SLC22A25: variants seen among roughly 807,000 people sequenced by gnomAD.
The protein encoded by SLC22A25 is solute carrier family 22 member 25.
In SLC22A25, 44 loss-of-function variants were observed where a neutral mutation model predicts 45.9. The observed-to-expected ratio is 0.96, with a 90% CI of 0.75 to 1.23. SLC22A25 has a LOEUF of 1.23. Among genes scored for constraint, SLC22A25 ranks in the 50% most tolerant of loss-of-function variants. SLC22A25 has a pLI of 0.00. For synonymous variants in SLC22A25, 283 were observed against 238.6 expected (o/e 1.19, Z -1.72); for missense variants, 800 against 666.4 (o/e 1.20, Z -2.21).
At chr11:63,171,906 A>G (rs1565065089) in intron 9 of SLC22A25, among the ~76,000 whole-genome samples, 1 of 152,208 alleles carries the variant, frequency 6.6e-6, no homozygotes, top group Non-Finnish European at 1.5e-5. Flanking sequence ...CTTCAAATAT[A>G]CTACAAGGCT....
chr11:63,180,952 A>G lies in SLC22A25; in HGVS notation c.955-177T>C, dbSNP rs1850789733. On this transcript the variant is annotated intron_variant, in intron 8 of 11. Coordinates refer to ENST00000306494, the MANE Select transcript of SLC22A25 (RefSeq NM_199352.6). Reference sequence around the variant, plus strand: ...AAGTGGTATGGAAGTTAGAATAGAGAGTTAAAGAAGCCTCAGAGAAATTAT... The same window carrying G: ...AAGTGGTATGGAAGTTAGAATAGAGGGTTAAAGAAGCCTCAGAGAAATTAT... Among the ~76,000 whole-genome samples the G allele has an allele frequency of 2.0e-5, 3 of 152,206 alleles. No individual in the cohort carries two copies. In the South Asian group the frequency reaches 6.2e-4, roughly 31 times the overall value.
chr11:63,221,681 G>A (rs2089856374), intron 5 of SLC22A25, among the ~76,000 whole-genome samples: 2 of 152,066 alleles, frequency 1.3e-5, no homozygotes, highest in South Asian at 4.1e-4. Flanking sequence ...TGCTTGTTGT[G>A]TATTACTGAA....
intron 9 of SLC22A25, among the ~76,000 whole-genome samples, chr11:63,178,150 C>A (rs2088184414): frequency 3.3e-5 from 5 of 151,820 alleles, no homozygotes. Flanking sequence ...CTTGGCCTCC[C>A]AAAATTCTGG....
chr11:63,209,575 C>T (rs1013733541), intron 7 of SLC22A25, among the ~76,000 whole-genome samples: 2 of 152,126 alleles, frequency 1.3e-5, no homozygotes, highest in African/African-American at 4.8e-5. Context: ...CACCTCTGCT[C>T]AGGCGAACCA....
intron 1 of SLC22A25, among the ~76,000 whole-genome samples, chr11:63,240,136 A>G (rs763020950): frequency 2.6e-5 from 4 of 152,194 alleles, no homozygotes; most frequent in African/African-American, 7.2e-5. Context: ...CAATTATAAT[A>G]CATTGGTGCT....
intron 3 of SLC22A25, among the ~76,000 whole-genome samples, chr11:63,230,317 G>A (rs1002646353): frequency 5.3e-5 from 8 of 152,206 alleles, no homozygotes; most frequent in African/African-American, 1.9e-4. Flanking sequence ...AACCAGAGTA[G>A]TAAGCCAGTG....
rs750518640 is a variant in SLC22A25 at position 63,183,800 on chromosome 11, G to A, written c.848C>T (p.Ala283Val). ...FLFSRWLAES[A>V]RWLIINNKPE... is the part of the protein sequence containing the mutation. ...TTTGTTGTTGATAATGAGCCACCGA[G>A]CAGACTCTGCCAGCCACCTGAGCAA... The change falls in exon 8 of 12, where the codon GCT (alanine) becomes GTT (valine). Residue 283 changes from alanine to valine, a missense_variant. Coordinates refer to ENST00000306494, the MANE Select transcript of SLC22A25 (RefSeq NM_199352.6). 2 of 1,612,872 alleles carry A rather than the reference G, an allele frequency of 1.2e-6. No individual in the cohort carries two copies. Among genetic ancestry groups the A allele is most frequent in the African/African-American group, 2.7e-5 (2 of 74,840 alleles).
At chr11:63,193,296 C>T (rs111807624) in intron 7 of SLC22A25, among the ~76,000 whole-genome samples, 5,484 of 152,138 alleles carry the variant, frequency 0.036, 328 homozygotes, top group African/African-American at 0.13. Flanking sequence ...GGTCCTCCTA[C>T]CATGGAGTTT....
intron 5 of SLC22A25, among the ~76,000 whole-genome samples, chr11:63,225,776 T>C (rs192027842): frequency 3.9e-5 from 6 of 152,312 alleles, no homozygotes; most frequent in African/African-American, 1.4e-4. Flanking sequence ...ATTTAACCTT[T>C]TGAGATGATT....
chr11:63,222,929 A>T (rs906320628), intron 5 of SLC22A25, among the ~76,000 whole-genome samples: 1 of 152,020 alleles, frequency 6.6e-6, no homozygotes, highest in African/African-American at 2.4e-5. Flanking sequence ...TATCACATCA[A>T]TTGATTTTTG....
Position 63,205,219 on chromosome 11 carries a change from G to C in SLC22A25, c.830+12095C>G, listed in dbSNP as rs968965768. 6.6e-5 allele frequency among the ~76,000 whole-genome samples: 10 copies of C among 152,044 alleles called. 1 individual carries two copies. The South Asian group carries it at 2.1e-3, about 32-fold the overall frequency. On this transcript the variant is annotated intron_variant, in intron 7 of 11. Coordinates refer to ENST00000306494, the MANE Select transcript of SLC22A25 (RefSeq NM_199352.6). ...CCACAGAGGAAAGTGGGAAACATCT[G>C]TAATTACCATCCTAACATCACAATG...
At chr11:63,222,568 C>T (rs2134826648) in intron 5 of SLC22A25, among the ~76,000 whole-genome samples, 1 of 152,136 alleles carries the variant, frequency 6.6e-6, no homozygotes, top group Non-Finnish European at 1.5e-5. Context: ...AGTCTGCAAA[C>T]AAGGATAATT....
intron 7 of SLC22A25, among the ~76,000 whole-genome samples, chr11:63,195,206 G>T (rs1041765686): frequency 6.6e-6 from 1 of 152,072 alleles, no homozygotes; most frequent in Non-Finnish European, 1.5e-5. Flanking sequence ...GAGACAGAAT[G>T]TTAACAAGGA....
chr11:63,197,613 T>C (rs185620757), intron 7 of SLC22A25, among the ~76,000 whole-genome samples: 3 of 152,180 alleles, frequency 2.0e-5, no homozygotes, highest in Admixed American at 6.5e-5. Context: ...CCTAAAACCA[T>C]AAAAACCCTA....
rs2087567392 is a variant in SLC22A25 at position 63,163,300 on chromosome 11, T to A, written c.*524A>T. ...ATTACTTAAAAAATTCCTTTACTTATCACTTCTTTTCCCCTTTTCCAACGC... is the reference window on the plus strand; with the variant it reads ...ATTACTTAAAAAATTCCTTTACTTAACACTTCTTTTCCCCTTTTCCAACGC... On this transcript the variant is annotated 3_prime_UTR_variant, in exon 12 of 12. Transcript: ENST00000306494. 6.6e-6 allele frequency among the ~76,000 whole-genome samples: 1 copy of A among 152,218 alleles called. No individual in the cohort carries two copies. Among genetic ancestry groups the A allele is most frequent in the South Asian group, 2.1e-4 (1 of 4,832 alleles).
intron 8 of SLC22A25, 63 bp from the exon 9 acceptor site, chr11:63,180,838 G>T: frequency 1.7e-6 from 2 of 1,209,080 alleles, no homozygotes; most frequent in Non-Finnish European, 2.4e-6. Context: ...ATTGTAAGAG[G>T]ACTTGTCAAC....
chr11:63,228,932 G>A (rs897526543), intron 4 of SLC22A25, among the ~76,000 whole-genome samples: 1 of 152,126 alleles, frequency 6.6e-6, no homozygotes, highest in East Asian at 1.9e-4. Context: ...ATTTCCCAGA[G>A]GTTTATAATT....
At chr11:63,208,679 A>G (rs924163212) in intron 7 of SLC22A25, among the ~76,000 whole-genome samples, 2 of 152,028 alleles carry the variant, frequency 1.3e-5, no homozygotes, top group Non-Finnish European at 2.9e-5. Flanking sequence ...TGTGAAAGAG[A>G]CAGTGTTGGG....
intron 9 of SLC22A25, chr11:63,166,811 A>T: frequency 1.0e-6 from 1 of 983,904 alleles, no homozygotes; most frequent in East Asian, 1.1e-4. Context: ...TTTTTATATT[A>T]TGTATATTTA....
Sources: gnomAD v4.1 joint callset for allele counts (sites outside exome capture counted in the v4.1 genomes callset) on GRCh38, gnomAD v4.1.1 for gene constraint, MANE v1.5 for transcripts, NCBI Gene and HGNC (gene_info 2026-07-23, HGNC 2026-07-21) for gene names.